The following NELL1 variants were observed in gnomAD, a reference collection of about 807,000 sequenced individuals.
The protein encoded by NELL1 is protein kinase C-binding protein NELL1.
In NELL1, 76 loss-of-function variants were observed where a neutral mutation model predicts 107.4. The observed-to-expected ratio is 0.71, with a 90% CI of 0.59 to 0.86. The LOEUF is 0.86. NELL1 is among the 40% of genes least tolerant of loss of function. NELL1 has a pLI of 0.00. For synonymous variants in NELL1, 353 were observed against 341.2 expected, an observed-to-expected ratio of 1.03 and a Z score of -0.38; for missense variants, 1,024 against 1,005.5, an observed-to-expected ratio of 1.02 and a Z score of -0.25.
At chr11:20,670,157 C>T (rs956927471) in intron 1 of NELL1, among the ~76,000 whole-genome samples, 1 of 152,038 alleles carries the variant, frequency 6.6e-6, no homozygotes, top group African/African-American at 2.4e-5. Context: ...ACCACTCTCG[C>T]CGACCCCCGC....
At chr11:21,239,747 C>T (rs1314285982) in intron 14 of NELL1, among the ~76,000 whole-genome samples, 1 of 152,030 alleles carries the variant, frequency 6.6e-6, no homozygotes, top group African/African-American at 2.4e-5. Flanking sequence ...CACAGTCCCA[C>T]ATCTATCTTT....
At chr11:21,005,143 T>C (rs1341149756) in intron 12 of NELL1, among the ~76,000 whole-genome samples, 4 of 152,186 alleles carry the variant, frequency 2.6e-5, no homozygotes, top group Non-Finnish European at 4.4e-5. Context: ...TCAACTTGTG[T>C]TTCATTATTA....
Position 20,927,327 on chromosome 11 carries a change from G to A in NELL1, c.779G>A (p.Arg260Lys), listed in dbSNP as rs1419970111. The change falls in exon 8 of 20, where the codon AGA becomes AAA. Residue 260 changes from arginine (R) to lysine (K), a missense_variant. By Grantham distance (26) the Arg-to-Lys change is conservative. Transcript: ENST00000357134. ...MTAKLNYAET[R>K]LSQLENCHCE... is the part of the protein sequence containing the mutation. ...TTGCAGCTAAATTATGCAGAGACAA[G>A]ACTTAGTCAATTGGAAAACTGTCAT... 1 of 1,612,040 alleles carries A rather than the reference G, an allele frequency of 6.2e-7. No homozygotes were observed. The highest frequency in any genetic ancestry group is 8.5e-7 in the Non-Finnish European group (1 of 1,179,568).
At chr11:20,905,470 A>T (rs1440400024) in intron 5 of NELL1, among the ~76,000 whole-genome samples, 2 of 152,200 alleles carry the variant, frequency 1.3e-5, no homozygotes, top group Non-Finnish European at 2.9e-5. Context: ...AACTTACTGT[A>T]CAGACTTTAA....
At chr11:20,953,251 T>C (rs901256551) in intron 11 of NELL1, among the ~76,000 whole-genome samples, 12 of 152,194 alleles carry the variant, frequency 7.9e-5, no homozygotes, top group African/African-American at 2.9e-4. Context: ...CACTTTGAGA[T>C]TGTCCAGGTA....
chr11:21,060,892 T>C (rs983775243), intron 12 of NELL1, among the ~76,000 whole-genome samples: 1 of 152,106 alleles, frequency 6.6e-6, no homozygotes, highest in African/African-American at 2.4e-5. Flanking sequence ...TGCACCACTA[T>C]GCCTGGCTAA....
intron 14 of NELL1, among the ~76,000 whole-genome samples, chr11:21,366,548 T>A (rs1381636887): frequency 6.6e-6 from 1 of 152,044 alleles, no homozygotes; most frequent in Non-Finnish European, 1.5e-5. Context: ...AATGCAACAA[T>A]TGTCGCATCG....
intron 14 of NELL1, among the ~76,000 whole-genome samples, chr11:21,245,581 G>A (rs760215815): frequency 8.5e-5 from 13 of 152,082 alleles, no homozygotes; most frequent in Non-Finnish European, 1.8e-4. Flanking sequence ...CTCTGTCCTG[G>A]CATTTATTCA....
chr11:20,789,965 A>G (rs1311814082), intron 3 of NELL1, among the ~76,000 whole-genome samples: 1 of 152,176 alleles, frequency 6.6e-6, no homozygotes, highest in African/African-American at 2.4e-5. Flanking sequence ...TCCTCTCTGC[A>G]GCTGGTCCTT....
chr11:20,713,608 C>T (rs1430381131), intron 2 of NELL1, among the ~76,000 whole-genome samples: 1 of 152,112 alleles, frequency 6.6e-6, no homozygotes, highest in South Asian at 2.1e-4. Context: ...TGTCTGCCCA[C>T]ATTGTGGTCA....
intron 15 of NELL1, among the ~76,000 whole-genome samples, chr11:21,506,024 T>A (rs565813842): frequency 3.3e-5 from 5 of 152,342 alleles, no homozygotes; most frequent in African/African-American, 1.2e-4. Context: ...CATAATATGA[T>A]ACCCTAATGT....
At chr11:21,445,278 T>C (rs1033112481) in intron 15 of NELL1, among the ~76,000 whole-genome samples, 2 of 152,046 alleles carry the variant, frequency 1.3e-5, no homozygotes, top group Non-Finnish European at 2.9e-5. Context: ...GTTGGTTTTT[T>C]TTGTTTGTTT....
At chr11:21,447,597 G>A (rs540304623) in intron 15 of NELL1, among the ~76,000 whole-genome samples, 19 of 152,254 alleles carry the variant, frequency 1.2e-4, no homozygotes, top group South Asian at 4.1e-4. Context: ...AGACAAAGTC[G>A]ACTTTTCTCT....
At chr11:21,119,386 GA>G (rs5790163) in intron 13 of NELL1, among the ~76,000 whole-genome samples, 28,639 of 129,076 alleles carry the variant, frequency 0.22, 2,735 homozygotes, top group Middle Eastern at 0.35. Context: ...GCTAAAAATT[GA>G]AAAAAAAAAA....
At chr11:20,696,812 A>G (rs1854630679) in intron 2 of NELL1, among the ~76,000 whole-genome samples, 1 of 152,166 alleles carries the variant, frequency 6.6e-6, no homozygotes, top group Non-Finnish European at 1.5e-5. Context: ...ACTCCAAACA[A>G]CCAGAATAAG....
intron 15 of NELL1, among the ~76,000 whole-genome samples, chr11:21,371,339 T>C (rs1255290754): frequency 6.6e-6 from 1 of 152,124 alleles, no homozygotes; most frequent in Non-Finnish European, 1.5e-5. Flanking sequence ...TAGCAGCACA[T>C]GCTCCTTGCG....
At chr11:21,133,727 A>G (rs575569087) in intron 13 of NELL1, among the ~76,000 whole-genome samples, 224 of 28,418 alleles carry the variant, frequency 7.9e-3, no homozygotes, top group African/African-American at 0.029. Context: ...TTGTTGGGGG[A>G]TGGGGCTTGG....
intron 16 of NELL1, among the ~76,000 whole-genome samples, chr11:21,538,832 G>A (rs193195078): frequency 5.9e-5 from 9 of 152,152 alleles, no homozygotes; most frequent in South Asian, 2.1e-4. Context: ...CAGACTCCTC[G>A]GAATGTCAAT....
At chr11:20,965,678 T>A (rs1053258589) in intron 12 of NELL1, among the ~76,000 whole-genome samples, 15 of 152,204 alleles carry the variant, frequency 9.9e-5, no homozygotes, top group Admixed American at 9.2e-4. Context: ...AAAACTGACA[T>A]GTCTGAAACA....
Sources: allele counts gnomAD v4.1 joint callset (sites outside exome capture counted in the v4.1 genomes callset), GRCh38; gene constraint gnomAD v4.1.1; transcripts MANE v1.5; gene names NCBI Gene and HGNC (gene_info 2026-07-23, HGNC 2026-07-21).